BCAS3: variants seen among roughly 807,000 people sequenced by gnomAD.
BCAS3 encodes the protein BCAS4/BCAS3 fusion.
In BCAS3, 53 loss-of-function variants were observed where a neutral mutation model predicts 116.1. The observed-to-expected ratio is 0.46, with a 90% CI of 0.37 to 0.57. BCAS3 has a LOEUF of 0.57. Ranked by LOEUF, BCAS3 falls within the 20% of genes least tolerant of loss-of-function variation. The pLI is 0.00. For missense variants in BCAS3, 917 were observed against 1,165.4 expected, an observed-to-expected ratio of 0.79 and a Z score of 3.10; for synonymous variants, 391 against 408.2, an observed-to-expected ratio of 0.96 and a Z score of 0.51.
At chr17:61,005,593 G>A (rs572909984) in intron 15 of BCAS3, among the ~76,000 whole-genome samples, 1 of 152,100 alleles carries the variant, frequency 6.6e-6, no homozygotes, top group South Asian at 2.1e-4. Context: ...TCATGATGCT[G>A]AAATAGAGCC....
chr17:61,190,250 G>A (rs965910477), intron 22 of BCAS3, among the ~76,000 whole-genome samples: 2 of 152,100 alleles, frequency 1.3e-5, no homozygotes, highest in Non-Finnish European at 2.9e-5. Context: ...GCTTGGCTGG[G>A]TGCGGTGGCT....
At position 61,316,269 on chromosome 17, in the gene BCAS3, G is replaced by C. The variant is rs1274376903; in HGVS notation, c.2426-52058G>C. Among the ~76,000 whole-genome samples, 1 of 152,124 alleles carries C rather than the reference G, an allele frequency of 6.6e-6. No individual in the cohort carries two copies. The highest frequency in any genetic ancestry group is 1.5e-5 in the Non-Finnish European group (1 of 68,022). On this transcript the variant is annotated intron_variant, in intron 22 of 23. Transcript: ENST00000407086. This position sits in a 1 kb window ranked among gnomAD's most constrained non-coding sequence, Gnocchi z 5.8. The stretch of plus-strand genomic sequence containing the variant: ...TGCAGTGAGCCGGGATCACGCCACT[G>C]CACTCCAGCCTGGGTGATAGAGTGA...
At chr17:61,163,233 G>A (rs2078267799) in intron 22 of BCAS3, among the ~76,000 whole-genome samples, 2 of 151,924 alleles carry the variant, frequency 1.3e-5, no homozygotes. Context: ...GACCATCCTG[G>A]CTAACACGGT....
rs893155426 is a variant in BCAS3 at position 61,212,383 on chromosome 17, G to A, written c.2425+127819G>A. ...CTCCCAAAGCACTGAGATAACTAGT[G>A]AGGGCCACCACGCCCAGCCTTGAAG... On this transcript the variant is annotated intron_variant, in intron 22 of 23. Coordinates refer to ENST00000407086, the MANE Select transcript of BCAS3 (RefSeq NM_017679.5). Among the ~76,000 whole-genome samples the A allele has an allele frequency of 5.3e-4, 81 of 152,182 alleles. 1 individual carries two copies. Among genetic ancestry groups the A allele is most frequent in the Admixed American group, 5.3e-3 (81 of 15,278 alleles).
At chr17:60,801,281 G>A (rs1007437935) in intron 6 of BCAS3, among the ~76,000 whole-genome samples, 1 of 151,972 alleles carries the variant, frequency 6.6e-6, no homozygotes, top group African/African-American at 2.4e-5. Flanking sequence ...AAGTGCTACT[G>A]TACTTTAAAT....
intron 22 of BCAS3, among the ~76,000 whole-genome samples, chr17:61,330,689 A>G (rs12604064): frequency 0.56 from 85,934 of 152,118 alleles, 26,490 homozygotes; most frequent in Non-Finnish European, 0.71. Context: ...AGAAACACAC[A>G]CCAGTGAGCA....
At chr17:60,999,829 CA>C (rs2064116267) in intron 15 of BCAS3, among the ~76,000 whole-genome samples, 1 of 152,090 alleles carries the variant, frequency 6.6e-6, no homozygotes, top group Admixed American at 6.5e-5. Context: ...TGATTTCTTT[CA>C]GCAGTGTTTT....
intron 6 of BCAS3, among the ~76,000 whole-genome samples, chr17:60,807,753 G>A (rs1253221298): frequency 6.6e-6 from 1 of 150,488 alleles, no homozygotes; most frequent in East Asian, 1.9e-4. Flanking sequence ...CTGCACTCCA[G>A]CCTGGGTGAC....
rs2143186221 is a variant in BCAS3, at chr17:61,337,232, A to T, written c.2426-31095A>T. 6.6e-6 allele frequency among the ~76,000 whole-genome samples: 1 copy of T among 152,322 alleles called. No homozygotes were observed. Among genetic ancestry groups the T allele is most frequent in the East Asian group, 1.9e-4 (1 of 5,188 alleles). On this transcript the variant is annotated intron_variant, in intron 22 of 23. Transcript: ENST00000407086. This position sits in a 1 kb window ranked among gnomAD's most constrained non-coding sequence, Gnocchi z 4.8. ...CCCGAGTGGAACAGGGACGTGAGCC[A>T]TGTCAGTGTCTGTAAATAGAGGCAG...
At chr17:60,900,576 G>A (rs1370295299) in intron 10 of BCAS3, among the ~76,000 whole-genome samples, 4 of 152,172 alleles carry the variant, frequency 2.6e-5, no homozygotes, top group African/African-American at 9.7e-5. Context: ...TGTATTTGAA[G>A]TGTGATTCTC....
Position 61,084,402 on chromosome 17 carries a change from C to T in BCAS3, c.2328-65C>T. 7.6e-7 allele frequency: 1 copy of T among 1,321,124 alleles called. No homozygotes were observed. Among genetic ancestry groups the T allele is most frequent in the South Asian group, 1.3e-5 (1 of 78,942 alleles). 81.8% of individuals were successfully genotyped at this position (1,321,124 alleles called of 1,614,324 possible). A position where few individuals can be genotyped will look rare whatever the true frequency, so the allele number is the denominator to read the frequency against. On this transcript the variant is annotated intron_variant, in intron 21 of 23. Coordinates refer to ENST00000407086, the MANE Select transcript of BCAS3 (RefSeq NM_017679.5). The surrounding 1 kb of genome is among the most constrained non-coding windows in gnomAD (Gnocchi z 5.5). ...TACTCCAGCATTCCTGATTTAAGGT[C>T]ATTTGTAGCAAGTGACAGTTTTGAT... is the stretch of plus-strand genomic sequence containing the variant.
At chr17:60,750,371 A>G (rs1036188582) in intron 6 of BCAS3, among the ~76,000 whole-genome samples, 2 of 152,164 alleles carry the variant, frequency 1.3e-5, no homozygotes, top group Non-Finnish European at 2.9e-5. Context: ...AAAAATGTAT[A>G]CCAAGCATCA....
In BCAS3 at chr17:61,380,560, T is replaced by G. The variant is rs764293846; in HGVS notation, c.2594-11417T>G. 1 of 1,597,858 alleles carries G rather than the reference T, an allele frequency of 6.3e-7. No individual in the cohort carries two copies. Among genetic ancestry groups the G allele is most frequent in the South Asian group, 1.1e-5 (1 of 91,056 alleles). On this transcript the variant is annotated intron_variant, in intron 23 of 23. Coordinates refer to ENST00000407086, the MANE Select transcript of BCAS3 (RefSeq NM_017679.5). This position sits in a 1 kb window ranked among gnomAD's most constrained non-coding sequence, Gnocchi z 4.2. Reference sequence around the variant, plus strand: ...TTCCCCCCTGAGAGACACGTGGCAGTGAAGTGTTTTGGTATGTAACGTCCT... The same window carrying G: ...TTCCCCCCTGAGAGACACGTGGCAGGGAAGTGTTTTGGTATGTAACGTCCT...
At chr17:61,053,295 T>C (rs1322820419) in intron 19 of BCAS3, among the ~76,000 whole-genome samples, 1 of 152,158 alleles carries the variant, frequency 6.6e-6, no homozygotes, top group Non-Finnish European at 1.5e-5. Flanking sequence ...AAAGAGCCAA[T>C]ATTTTTCATT....
intron 5 of BCAS3, among the ~76,000 whole-genome samples, chr17:60,725,461 G>A (rs1027313278): frequency 6.6e-6 from 1 of 151,988 alleles, no homozygotes; most frequent in Non-Finnish European, 1.5e-5. Flanking sequence ...CAAGTATTAC[G>A]AGATACAAAT....
At chr17:60,751,689 T>A (rs1326013814) in intron 6 of BCAS3, among the ~76,000 whole-genome samples, 1 of 152,022 alleles carries the variant, frequency 6.6e-6, no homozygotes, top group Non-Finnish European at 1.5e-5. Context: ...ATTATAGGCA[T>A]GTGCCACCAC....
intron 13 of BCAS3, among the ~76,000 whole-genome samples, chr17:60,946,949 C>T (rs947377823): frequency 3.9e-5 from 6 of 152,110 alleles, no homozygotes; most frequent in African/African-American, 1.4e-4. Flanking sequence ...TCTGTAAATT[C>T]AGGAATATCA....
chr17:60,713,285 G>A (rs1249563631), intron 5 of BCAS3, among the ~76,000 whole-genome samples: 1 of 152,156 alleles, frequency 6.6e-6, no homozygotes, highest in Non-Finnish European at 1.5e-5. Flanking sequence ...AGATTAGTAT[G>A]TACCTTCAAA....
At chr17:60,749,759 G>C (rs2042291384) in intron 6 of BCAS3, among the ~76,000 whole-genome samples, 1 of 151,250 alleles carries the variant, frequency 6.6e-6, no homozygotes, top group Non-Finnish European at 1.5e-5. Flanking sequence ...CTTCTTTCTT[G>C]GTATACTTTA....
Sources: gnomAD v4.1 joint callset for allele counts (sites outside exome capture counted in the v4.1 genomes callset) on GRCh38, gnomAD v4.1.1 for gene constraint, Gnocchi (gnomAD v3.1) non-coding constraint, MANE v1.5 for transcripts, NCBI Gene and HGNC (gene_info 2026-07-23, HGNC 2026-07-21) for gene names.